XPO4: variants seen among roughly 807,000 people sequenced by gnomAD.
XPO4 encodes exportin 4, also known as exportin-4.
XPO4 carries 39 observed loss-of-function variants against 143.0 expected under a neutral mutation model. The ratio of observed to expected loss-of-function variants is 0.27; its 90% confidence interval spans 0.21 to 0.36. The LOEUF is 0.36. Ranked by LOEUF, XPO4 falls within the 10% of genes least tolerant of loss-of-function variation. XPO4 has a pLI of 1.00. For missense variants in XPO4, 907 were observed against 1,348.0 expected, an observed-to-expected ratio of 0.67 and a Z score of 5.12; for synonymous variants, 439 against 474.0, an observed-to-expected ratio of 0.93 and a Z score of 0.96.
At chr13:20,813,283 T>G (rs2059607015) in intron 9 of XPO4, among the ~76,000 whole-genome samples, 1 of 152,144 alleles carries the variant, frequency 6.6e-6, no homozygotes, top group Non-Finnish European at 1.5e-5. Flanking sequence ...CATCTCAATC[T>G]GAAACCCATA....
chr13:20,834,729 C>T (rs1034785812), intron 6 of XPO4, among the ~76,000 whole-genome samples: 6 of 151,350 alleles, frequency 4.0e-5, no homozygotes, highest in South Asian at 4.2e-4. Context: ...GATGCCAAAG[C>T]GGGAGGATCA....
At chr13:20,811,747 AGTG>A (rs2059585190) in intron 9 of XPO4, among the ~76,000 whole-genome samples, 1 of 152,186 alleles carries the variant, frequency 6.6e-6, no homozygotes, top group South Asian at 2.1e-4. Flanking sequence ...AAAACAAGGC[AGTG>A]GTGGGGGTGC....
chr13:20,834,640 A>C (rs2059894548), intron 6 of XPO4, among the ~76,000 whole-genome samples: 1 of 136,152 alleles, frequency 7.3e-6, no homozygotes, highest in Non-Finnish European at 1.5e-5. Flanking sequence ...CAGTGTTGAA[A>C]GAAATAAAAA....
chr13:20,800,088 T>G (rs1203528939), intron 15 of XPO4, 68 bp downstream of exon 15: 1 of 1,569,232 alleles, frequency 6.4e-7, no homozygotes, highest in South Asian at 1.2e-5. Flanking sequence ...AGGACTACAC[T>G]AAGAAGTGAA....
intron 4 of XPO4, chr13:20,848,242 T>C (rs1316424356): frequency 3.1e-6 from 3 of 980,344 alleles, no homozygotes; most frequent in Non-Finnish European, 3.6e-6. Context: ...CTAAAATAAA[T>C]GATAAATAAA....
chr13:20,809,971 A>C lies in XPO4; in HGVS notation c.1174-4T>G. The C allele has an allele frequency of 6.3e-7, 1 of 1,596,344 alleles. No homozygotes were observed. Among genetic ancestry groups the C allele is most frequent in the Non-Finnish European group, 8.5e-7 (1 of 1,172,076 alleles). On this transcript the variant is annotated splice_region_variant and splice_polypyrimidine_tract_variant and intron_variant, in intron 9 of 22. Coordinates refer to ENST00000255305, the MANE Select transcript of XPO4 (RefSeq NM_022459.5). ...ATACCATGTCATCTTTATCAAGCTA[A>C]AAGAAAAGAACACTCATAAAACAAA... is the stretch of plus-strand genomic sequence containing the variant.
chr13:20,859,785 T>TAAA, intron 3 of XPO4: 22 of 679,864 alleles, frequency 3.2e-5, no homozygotes, highest in South Asian at 1.4e-4. Flanking sequence ...CAAAAAAAAT[T>TAAA]AAAAAAAAAA....
At chr13:20,876,031 C>T (rs1447402583) in intron 1 of XPO4, among the ~76,000 whole-genome samples, 1 of 149,674 alleles carries the variant, frequency 6.7e-6, no homozygotes, top group South Asian at 2.1e-4. Context: ...AGGTGGATCA[C>T]CTGAGATCAG....
intron 6 of XPO4, among the ~76,000 whole-genome samples, chr13:20,833,434 G>A (rs901037518): frequency 3.9e-5 from 6 of 152,138 alleles, no homozygotes; most frequent in Non-Finnish European, 5.9e-5. Context: ...CATCATATTT[G>A]CATGTAACTT....
intron 2 of XPO4, among the ~76,000 whole-genome samples, chr13:20,864,536 A>G (rs2060228183): frequency 6.6e-6 from 1 of 152,182 alleles, no homozygotes; most frequent in South Asian, 2.1e-4. Context: ...GCCCCAAGAG[A>G]TAGAGAGGAA....
chr13:20,815,904 A>T (rs2137926381), intron 9 of XPO4, among the ~76,000 whole-genome samples: 1 of 152,280 alleles, frequency 6.6e-6, no homozygotes, highest in East Asian at 1.9e-4. Context: ...CTGCTTATAG[A>T]CTCACTTGGC....
chr13:20,830,671 G>A (rs144574241), intron 6 of XPO4, among the ~76,000 whole-genome samples: 22 of 152,068 alleles, frequency 1.4e-4, no homozygotes, highest in Middle Eastern at 3.4e-3. Context: ...TATAATAAAC[G>A]TTTATATGGA....
chr13:20,809,176 T>A lies in XPO4; in HGVS notation c.1400A>T (p.Gln467Leu). ...SREEEEISEL[Q>L]EDDRDQFSDQ... ...AGAAAACTGGTCTCGATCATCCTCT[T>A]GAAGTTCACTTATTTCTTCCTCCTC... The change falls in exon 11 of 23, where the codon CAA becomes CTA. Residue 467 changes from glutamine (Q) to leucine (L), a missense_variant. Coordinates refer to ENST00000255305, the MANE Select transcript of XPO4 (RefSeq NM_022459.5). The A allele has an allele frequency of 6.2e-7, 1 of 1,614,172 alleles. No individual in the cohort carries two copies. The highest frequency in any genetic ancestry group is 8.5e-7 in the Non-Finnish European group (1 of 1,180,012).
intron 1 of XPO4, among the ~76,000 whole-genome samples, chr13:20,880,958 CAAA>C (rs35117619): frequency 4.7e-4 from 65 of 136,904 alleles, no homozygotes; most frequent in Non-Finnish European, 5.8e-4. Context: ...ACCCTGCCTC[CAAA>C]AAAAAAAAAA....
chr13:20,871,352 C>T (rs780134815), intron 1 of XPO4, among the ~76,000 whole-genome samples: 4 of 152,134 alleles, frequency 2.6e-5, no homozygotes, highest in African/African-American at 7.2e-5. Context: ...CAGAGTGTCA[C>T]TCTGTCGTCC....
chr13:20,848,205 AC>A, intron 4 of XPO4: 2 of 972,578 alleles, frequency 2.1e-6, no homozygotes, highest in Non-Finnish European at 2.4e-6. Context: ...CAGGTTAGAA[AC>A]CAAATAAAAT....
At chr13:20,824,491 AAAAT>A (rs879664280) in intron 7 of XPO4, among the ~76,000 whole-genome samples, 26 of 152,254 alleles carry the variant, frequency 1.7e-4, no homozygotes, top group Non-Finnish European at 2.5e-4. Context: ...AAATAAAGTT[AAAAT>A]AAATAAATAA....
At chr13:20,840,296 C>A (rs1566599265) in intron 6 of XPO4, among the ~76,000 whole-genome samples, 1 of 152,042 alleles carries the variant, frequency 6.6e-6, no homozygotes, top group Non-Finnish European at 1.5e-5. Flanking sequence ...TAGCTTCAAC[C>A]TTCCAGGCTC....
chr13:20,783,884 T>C lies in XPO4; in HGVS notation c.3294A>G (p.Ser1098=). Residue 1098 remains serine, a synonymous_variant, in exon 23 of 23, where the codon TCA becomes TCG. Coordinates refer to ENST00000255305, the MANE Select transcript of XPO4 (RefSeq NM_022459.5). The stretch of plus-strand genomic sequence containing the variant: ...GGTAAATAACTGGGTCTTGCTGACT[T>C]GATAGTAATGTTTCGACCAGTTCAG... ...EYSELVETLL[S]SQQDPVIYQR... 1.2e-6 allele frequency: 2 copies of C among 1,614,172 alleles called. No homozygotes were observed. The highest frequency in any genetic ancestry group is 2.2e-5 in the East Asian group (1 of 44,880).
Sources: allele counts gnomAD v4.1 joint callset (sites outside exome capture counted in the v4.1 genomes callset), GRCh38; gene constraint gnomAD v4.1.1; transcripts MANE v1.5; gene names NCBI Gene and HGNC (gene_info 2026-07-23, HGNC 2026-07-21).